Variants in NCAM2 observed in about 807,000 individuals in gnomAD.
NCAM2 encodes the protein neural cell adhesion molecule 2.
NCAM2 carries 30 observed loss-of-function variants against 98.1 expected under a neutral mutation model. The ratio of observed to expected loss-of-function variants is 0.31; its 90% confidence interval spans 0.23 to 0.41. The LOEUF is 0.41. Ranked by LOEUF, NCAM2 falls within the 10% of genes least tolerant of loss-of-function variation. The pLI is 1.00. For synonymous variants in NCAM2, 368 were observed against 342.4 expected (o/e 1.07, Z -0.83); for missense variants, 867 against 1,005.8 (o/e 0.86, Z 1.87).
At chr21:21,140,181 T>C (rs914695843) in intron 1 of NCAM2, among the ~76,000 whole-genome samples, 10 of 152,214 alleles carry the variant, frequency 6.6e-5, no homozygotes, top group Non-Finnish European at 1.5e-4. Flanking sequence ...GTTATTGCTT[T>C]GTATTAATTG....
At chr21:21,223,987 T>C (rs1318694005) in intron 1 of NCAM2, among the ~76,000 whole-genome samples, 1 of 152,120 alleles carries the variant, frequency 6.6e-6, no homozygotes, top group Non-Finnish European at 1.5e-5. Context: ...ACACAGTGCA[T>C]GGCAAGGTGG....
rs890107501 is a variant in NCAM2 at position 21,114,965 on chromosome 21, C to T, written c.55+116347C>T. On this transcript the variant is annotated intron_variant, in intron 1 of 17. Coordinates refer to ENST00000400546, the MANE Select transcript of NCAM2 (RefSeq NM_004540.5). Reference sequence around the variant, plus strand: ...TCTCCATAGTAGCTGGGATTACAGGCGCCTGCCACCACGCCCAGCTAAGTT... The same window carrying T: ...TCTCCATAGTAGCTGGGATTACAGGTGCCTGCCACCACGCCCAGCTAAGTT... Among the ~76,000 whole-genome samples the T allele has an allele frequency of 3.9e-5, 6 of 151,998 alleles. No homozygotes were observed. In the East Asian group the frequency reaches 5.8e-4, roughly 15 times the overall value.
At chr21:21,258,610 A>G (rs1426429820) in intron 1 of NCAM2, among the ~76,000 whole-genome samples, 1 of 152,114 alleles carries the variant, frequency 6.6e-6, no homozygotes, top group African/African-American at 2.4e-5. Flanking sequence ...CAGTATAGGA[A>G]CTTGCTGGGG....
chr21:21,430,726 C>T (rs1382218100), intron 11 of NCAM2, among the ~76,000 whole-genome samples: 1 of 151,938 alleles, frequency 6.6e-6, no homozygotes, highest in East Asian at 1.9e-4. Context: ...TGGTTCCACC[C>T]TTGACACATG....
At chr21:21,271,709 A>C (rs995150333) in intron 1 of NCAM2, among the ~76,000 whole-genome samples, 1 of 152,242 alleles carries the variant, frequency 6.6e-6, no homozygotes, top group Admixed American at 6.5e-5. Flanking sequence ...AAAAGGAAAG[A>C]GTTCTAATAA....
chr21:21,173,089 C>T (rs947926444), intron 1 of NCAM2, among the ~76,000 whole-genome samples: 2 of 152,084 alleles, frequency 1.3e-5, no homozygotes, highest in Non-Finnish European at 2.9e-5. Context: ...ATTAATGTAA[C>T]ATTATGCCTG....
chr21:21,066,223 A>T (rs1212397633), intron 1 of NCAM2, among the ~76,000 whole-genome samples: 1 of 152,194 alleles, frequency 6.6e-6, no homozygotes, highest in South Asian at 2.1e-4. Context: ...AAATGAATAG[A>T]TACTTGATTT....
intron 1 of NCAM2, among the ~76,000 whole-genome samples, chr21:21,187,318 A>G (rs1337502546): frequency 6.6e-6 from 1 of 152,188 alleles, no homozygotes; most frequent in Non-Finnish European, 1.5e-5. Flanking sequence ...ATTTAATTTT[A>G]CTAGACAACA....
intron 1 of NCAM2, among the ~76,000 whole-genome samples, chr21:21,175,136 A>G (rs1466194275): frequency 6.6e-6 from 1 of 152,180 alleles, no homozygotes; most frequent in East Asian, 1.9e-4. Flanking sequence ...GGTTAACAGA[A>G]TAGATGGTAG....
intron 1 of NCAM2, among the ~76,000 whole-genome samples, chr21:21,254,527 CTCT>C (rs74880173): frequency 0.014 from 2,136 of 152,248 alleles, 43 homozygotes; most frequent in Admixed American, 0.037. Flanking sequence ...CTCAAGTTTC[CTCT>C]TCTTCCTTCT....
chr21:21,074,204 T>C (rs988254584), intron 1 of NCAM2, among the ~76,000 whole-genome samples: 5 of 152,056 alleles, frequency 3.3e-5, no homozygotes, highest in African/African-American at 1.2e-4. Context: ...ACATAAAGAA[T>C]TGTAATTTAA....
At chr21:21,521,360 G>C (rs1285372428) in intron 16 of NCAM2, among the ~76,000 whole-genome samples, 1 of 152,072 alleles carries the variant, frequency 6.6e-6, no homozygotes, top group African/African-American at 2.4e-5. Flanking sequence ...CCCCTACTCA[G>C]TATGTTATGT....
Position 21,434,695 on chromosome 21 carries a change from G to T in NCAM2, c.1654+2414G>T, listed in dbSNP as rs77731020. On this transcript the variant is annotated intron_variant, in intron 12 of 17. Coordinates refer to ENST00000400546, the MANE Select transcript of NCAM2 (RefSeq NM_004540.5). Reference sequence around the variant, plus strand: ...TATTAGAAAAAAAAAGTTCAATATTGTTGGTATAGTGGTGAGCATCGCTGC... The same window carrying T: ...TATTAGAAAAAAAAAGTTCAATATTTTTGGTATAGTGGTGAGCATCGCTGC... 2.4e-3 allele frequency among the ~76,000 whole-genome samples: 366 copies of T among 152,228 alleles called. 10 individuals carry two copies. The East Asian group carries it at 0.063, about 26-fold the overall frequency.
chr21:21,102,927 GATTTT>G (rs1601375652), intron 1 of NCAM2, among the ~76,000 whole-genome samples: 1 of 151,872 alleles, frequency 6.6e-6, no homozygotes, highest in Non-Finnish European at 1.5e-5. Flanking sequence ...TATGCTTTAT[GATTTT>G]ATAATTCTGT....
chr21:21,120,082 T>C (rs1171042762), intron 1 of NCAM2, among the ~76,000 whole-genome samples: 1 of 152,240 alleles, frequency 6.6e-6, no homozygotes, highest in Non-Finnish European at 1.5e-5. Context: ...TTTAATCTGC[T>C]GCTTATTTCG....
intron 9 of NCAM2, among the ~76,000 whole-genome samples, chr21:21,387,281 C>G (rs1255671101): frequency 6.6e-6 from 1 of 151,968 alleles, no homozygotes; most frequent in South Asian, 2.1e-4. Flanking sequence ...AGGTGTTTCA[C>G]CCTCATAACG....
chr21:21,282,773 C>T (rs559423132), intron 2 of NCAM2, among the ~76,000 whole-genome samples: 148 of 151,654 alleles, frequency 9.8e-4, no homozygotes, highest in South Asian at 1.7e-3. Context: ...ATAATCTGTA[C>T]GTACAAATAG....
chr21:21,466,710 C>T lies in NCAM2; in HGVS notation c.1759C>T (p.Gln587Ter). 1 of 1,604,318 alleles carries T rather than the reference C, an allele frequency of 6.2e-7. No homozygotes were observed. Among genetic ancestry groups the T allele is most frequent in the Non-Finnish European group, 8.5e-7 (1 of 1,175,116 alleles). Residue 587 changes from glutamine to a stop codon, truncating the protein, a stop_gained, in exon 13 of 18, where the codon CAA (glutamine) becomes TAA (stop). Transcript: ENST00000400546. LOFTEE classifies it high-confidence loss of function. ...QGDYSKIEIF[Q>*]TLPVREPSPP... ...AGACTACAGTAAAATAGAAATCTTC[C>T]AAACATTACCAGTTCGTAAGTAATC...
chr21:21,050,122 A>C (rs1205568494), intron 1 of NCAM2, among the ~76,000 whole-genome samples: 1 of 149,318 alleles, frequency 6.7e-6, no homozygotes, highest in African/African-American at 2.5e-5. Context: ...TTTCACATTA[A>C]GCACTGTAAA....
Sources: gnomAD v4.1 joint callset for allele counts (sites outside exome capture counted in the v4.1 genomes callset) on GRCh38, gnomAD v4.1.1 for gene constraint, MANE v1.5 for transcripts, NCBI Gene and HGNC (gene_info 2026-07-23, HGNC 2026-07-21) for gene names.